Variants in LRBA observed in about 807,000 individuals in gnomAD.
LRBA encodes LPS responsive beige-like anchor protein.
In LRBA, 176 loss-of-function variants were observed where a neutral mutation model predicts 330.0. The ratio of observed to expected loss-of-function variants is 0.53; its 90% confidence interval spans 0.47 to 0.60. LRBA has a LOEUF of 0.60. Among genes scored for constraint, LRBA ranks in the 20% least tolerant of loss-of-function variants. The probability of loss-of-function intolerance (pLI) is 0.00; values close to 1 mark genes in which losing one functional copy is unlikely to be tolerated. For missense variants in LRBA, 3,259 were observed against 3,444.8 expected, an observed-to-expected ratio of 0.95 and a Z score of 1.35; for synonymous variants, 1,230 against 1,193.0, an observed-to-expected ratio of 1.03 and a Z score of -0.64.
chr4:150,576,004 T>C (rs1561375232), intron 40 of LRBA, among the ~76,000 whole-genome samples: 1 of 151,860 alleles, frequency 6.6e-6, no homozygotes, highest in Non-Finnish European at 1.5e-5. Context: ...TCACAAAGAA[T>C]AATCCACAAA....
chr4:150,721,052 T>A lies in LRBA; in HGVS notation c.5754+14206A>T. The A allele has an allele frequency of 5.3e-6, 3 of 563,002 alleles. No homozygotes were observed. In the Admixed American group the frequency reaches 5.9e-5, roughly 11 times the overall value. 34.9% of individuals were successfully genotyped at this position (563,002 alleles called of 1,614,324 possible). On this transcript the variant is annotated intron_variant, in intron 36 of 56. Coordinates refer to ENST00000651943, the MANE Select transcript of LRBA (RefSeq NM_001364905.1). ...AACAGAAGGCGATCAAGGCCAACTA[T>A]CCTCCAGTTAATAGGAATTATGAGT...
At chr4:150,723,896 C>T (rs1019104012) in intron 36 of LRBA, among the ~76,000 whole-genome samples, 1 of 152,178 alleles carries the variant, frequency 6.6e-6, no homozygotes, top group Admixed American at 6.5e-5. Context: ...CCCCTAGGCT[C>T]TCAGTAAACA....
intron 2 of LRBA, among the ~76,000 whole-genome samples, chr4:150,980,679 G>A (rs189775173): frequency 6.6e-6 from 1 of 152,090 alleles, no homozygotes; most frequent in Non-Finnish European, 1.5e-5. Context: ...ATCCAAATTG[G>A]AAAGGAAGAA....
intron 38 of LRBA, among the ~76,000 whole-genome samples, chr4:150,592,323 G>A (rs1467378910): frequency 2.6e-5 from 4 of 151,278 alleles, no homozygotes; most frequent in Non-Finnish European, 5.9e-5. Context: ...CAGATCAAAG[G>A]TTCTTAGGGT....
intron 44 of LRBA, among the ~76,000 whole-genome samples, chr4:150,461,224 A>G (rs1297576340): frequency 6.6e-6 from 1 of 151,832 alleles, no homozygotes; most frequent in Non-Finnish European, 1.5e-5. Flanking sequence ...CTTCATAAAT[A>G]ACATTAAAAC....
chr4:150,639,775 ATATATATGTGTGTGTG>A lies in LRBA; in HGVS notation c.5922-40660_5922-40645del, dbSNP rs1561457346. ...TATATATATATATATATATATATAT[ATATATATGTGTGTGTG>A]TATATATATATATATGTGTGTGTGT... On this transcript the variant is annotated intron_variant, in intron 37 of 56. Coordinates refer to ENST00000651943, the MANE Select transcript of LRBA (RefSeq NM_001364905.1). Among the ~76,000 whole-genome samples, 34 of 5,074 alleles carry A rather than the reference ATATATATGTGTGTGTG, an allele frequency of 6.7e-3. 5 individuals carry two copies. The highest frequency in any genetic ancestry group is 0.027 in the Admixed American group (15 of 566). 3.3% of individuals were successfully genotyped at this position (5,074 alleles called of 152,430 possible).
chr4:150,870,879 C>A (rs75293621), intron 19 of LRBA, among the ~76,000 whole-genome samples: 1,863 of 152,172 alleles, frequency 0.012, 40 homozygotes, highest in African/African-American at 0.042. Context: ...TTTAGAAATT[C>A]ACAGATTAAT....
At chr4:150,646,631 T>C (rs925835558) in intron 37 of LRBA, among the ~76,000 whole-genome samples, 12 of 152,112 alleles carry the variant, frequency 7.9e-5, no homozygotes, top group Non-Finnish European at 1.2e-4. Context: ...TGTGGAACAA[T>C]GTCTAATCAG....
At chr4:150,762,803 G>GCCATGT (rs1359625125) in intron 34 of LRBA, among the ~76,000 whole-genome samples, 2 of 151,702 alleles carry the variant, frequency 1.3e-5, no homozygotes, top group Non-Finnish European at 2.9e-5. Flanking sequence ...AAATCAAAAG[G>GCCATGT]CCATGTCTGG....
intron 22 of LRBA, among the ~76,000 whole-genome samples, chr4:150,859,276 A>T (rs1446241094): frequency 6.6e-6 from 1 of 152,210 alleles, no homozygotes; most frequent in Admixed American, 6.5e-5. Context: ...TTATGGCAAT[A>T]TGAGTCTAGA....
intron 36 of LRBA, among the ~76,000 whole-genome samples, chr4:150,719,408 T>C (rs1043138068): frequency 3.9e-5 from 6 of 152,148 alleles, no homozygotes; most frequent in East Asian, 3.9e-4. Flanking sequence ...CACTAAGAAA[T>C]AGATTCCAGG....
chr4:150,605,407 T>C (rs138364180), intron 37 of LRBA, among the ~76,000 whole-genome samples: 57 of 152,326 alleles, frequency 3.7e-4, no homozygotes, highest in African/African-American at 1.3e-3. Context: ...CTGATAAATC[T>C]TGATAACCTT....
intron 35 of LRBA, among the ~76,000 whole-genome samples, chr4:150,758,571 TC>T (rs1734632627): frequency 8.7e-6 from 1 of 114,612 alleles, no homozygotes. Flanking sequence ...GATCTCTTTG[TC>T]TTTTTTTTTT....
At chr4:150,704,414 T>C (rs1785414560) in intron 36 of LRBA, among the ~76,000 whole-genome samples, 1 of 151,810 alleles carries the variant, frequency 6.6e-6, no homozygotes, top group African/African-American at 2.4e-5. Context: ...TCTTCTTTTC[T>C]TTGCTACAGT....
intron 22 of LRBA, among the ~76,000 whole-genome samples, chr4:150,867,143 T>C (rs1262047389): frequency 6.6e-6 from 1 of 151,278 alleles, no homozygotes; most frequent in Non-Finnish European, 1.5e-5. Context: ...ACTACATTCT[T>C]CCAAACCCAG....
At chr4:150,322,991 G>GTC (rs140363314) in intron 49 of LRBA, among the ~76,000 whole-genome samples, 24 of 135,916 alleles carry the variant, frequency 1.8e-4, no homozygotes, top group South Asian at 4.5e-4. Flanking sequence ...ATTTGTGTGT[G>GTC]TCTCTGTGTG....
chr4:150,916,290 T>C, intron 7 of LRBA, 111 bp downstream of exon 7: 1 of 1,091,818 alleles, frequency 9.2e-7, no homozygotes, highest in Non-Finnish European at 1.3e-6. Flanking sequence ...TTTTAAACAG[T>C]AAAAACGAAG....
chr4:150,926,371 C>T (rs1733884266), intron 4 of LRBA, among the ~76,000 whole-genome samples: 1 of 152,220 alleles, frequency 6.6e-6, no homozygotes, highest in African/African-American at 2.4e-5. Flanking sequence ...CTAAGAGACA[C>T]GCCTGAATAG....
At chr4:150,428,065 A>G (rs1324059420) in intron 46 of LRBA, among the ~76,000 whole-genome samples, 1 of 152,042 alleles carries the variant, frequency 6.6e-6, no homozygotes, top group Non-Finnish European at 1.5e-5. Flanking sequence ...GTATATTATT[A>G]TTTAACATGC....
Sources: allele counts gnomAD v4.1 joint callset (sites outside exome capture counted in the v4.1 genomes callset), GRCh38; gene constraint gnomAD v4.1.1; transcripts MANE v1.5; gene names NCBI Gene and HGNC (gene_info 2026-07-23, HGNC 2026-07-21).